The following CAMKMT variants were observed in gnomAD, a reference collection of about 807,000 sequenced individuals.
CAMKMT encodes calmodulin-lysine N-methyltransferase.
A neutral mutation model predicts 48.0 loss-of-function variants in CAMKMT; 53 were observed. That is an observed-to-expected ratio of 1.10 (90% CI 0.89 to 1.39). CAMKMT has a LOEUF of 1.39. Among genes scored for constraint, CAMKMT ranks in the 40% most tolerant of loss-of-function variants. The probability of loss-of-function intolerance (pLI) is 0.00; values close to 1 mark genes in which losing one functional copy is unlikely to be tolerated. For synonymous variants in CAMKMT, 165 were observed against 152.3 expected (o/e 1.08, Z -0.61); for missense variants, 428 against 402.7 (o/e 1.06, Z -0.54).
chr2:44,534,304 T>A (rs1040757045), intron 3 of CAMKMT, among the ~76,000 whole-genome samples: 1 of 152,134 alleles, frequency 6.6e-6, no homozygotes, highest in Non-Finnish European at 1.5e-5. Flanking sequence ...CATCGTCTAA[T>A]GCAACTAGCA....
chr2:44,692,800 G>A (rs1676737769), intron 3 of CAMKMT, among the ~76,000 whole-genome samples: 1 of 152,146 alleles, frequency 6.6e-6, no homozygotes, highest in Admixed American at 6.5e-5. Flanking sequence ...GGTTACTGAA[G>A]CTCAGAAAGG....
chr2:44,385,088 C>G (rs1034478160), intron 2 of CAMKMT, among the ~76,000 whole-genome samples: 1 of 152,012 alleles, frequency 6.6e-6, no homozygotes, highest in East Asian at 1.9e-4. Context: ...TCATTTTCAC[C>G]ATATTGATTC....
chr2:44,498,544 A>G (rs1264294383), intron 3 of CAMKMT, among the ~76,000 whole-genome samples: 1 of 152,196 alleles, frequency 6.6e-6, no homozygotes. Context: ...TTTCTTTGGC[A>G]AAAGCTAGCA....
At chr2:44,743,116 C>A (rs975878149) in intron 7 of CAMKMT, among the ~76,000 whole-genome samples, 5 of 152,184 alleles carry the variant, frequency 3.3e-5, no homozygotes, top group Admixed American at 2.6e-4. Context: ...TTCACTATGC[C>A]TAAAAACCAA....
intron 3 of CAMKMT, among the ~76,000 whole-genome samples, chr2:44,497,707 CAAAGAGAGAG>C (rs1013021552): frequency 1.2e-5 from 1 of 82,802 alleles, no homozygotes; most frequent in African/African-American, 7.1e-5. Flanking sequence ...ATTAAGCAGG[CAAAGAGAGAG>C]AGAGAGAGAG....
At chr2:44,590,408 T>C (rs569596581) in intron 3 of CAMKMT, among the ~76,000 whole-genome samples, 1 of 152,282 alleles carries the variant, frequency 6.6e-6, no homozygotes, top group East Asian at 1.9e-4. Flanking sequence ...TGTGGGAAAG[T>C]TTTTAAACTA....
chr2:44,461,969 C>G (rs1028864585), intron 3 of CAMKMT, among the ~76,000 whole-genome samples: 1 of 151,882 alleles, frequency 6.6e-6, no homozygotes, highest in South Asian at 2.1e-4. Context: ...ACCCTTGACT[C>G]ACAGAATGTT....
intron 3 of CAMKMT, among the ~76,000 whole-genome samples, chr2:44,684,716 C>G (rs1676238159): frequency 6.6e-6 from 1 of 152,156 alleles, no homozygotes; most frequent in South Asian, 2.1e-4. Flanking sequence ...TGTTGCTGGC[C>G]TGGAAACTGG....
In CAMKMT at chr2:44,490,351, C is replaced by T. The variant is rs529443078; in HGVS notation, c.376+100046C>T. The stretch of plus-strand genomic sequence containing the variant: ...AGTGCAATGGCGCGATCTTGGCTCA[C>T]CACAACCTCCGCCTCCCGGGTTCAA... On this transcript the variant is annotated intron_variant, in intron 3 of 10. Coordinates refer to ENST00000378494, the MANE Select transcript of CAMKMT (RefSeq NM_024766.5). 5.3e-5 allele frequency among the ~76,000 whole-genome samples: 8 copies of T among 152,272 alleles called. No individual in the cohort carries two copies. In the South Asian group the frequency reaches 1.7e-3, roughly 32 times the overall value.
At chr2:44,363,166 A>G (rs1030241767) in intron 1 of CAMKMT, among the ~76,000 whole-genome samples, 11 of 152,180 alleles carry the variant, frequency 7.2e-5, no homozygotes, top group African/African-American at 2.7e-4. Context: ...GTTAATTAAG[A>G]TTTATTTGCT....
intron 7 of CAMKMT, among the ~76,000 whole-genome samples, chr2:44,740,440 A>G (rs1315828111): frequency 6.6e-6 from 1 of 152,146 alleles, no homozygotes; most frequent in Non-Finnish European, 1.5e-5. Flanking sequence ...GGATTGCTGC[A>G]ATTTTGACAG....
chr2:44,371,800 G>C (rs1475692845), intron 1 of CAMKMT, among the ~76,000 whole-genome samples: 1 of 151,982 alleles, frequency 6.6e-6, no homozygotes, highest in Admixed American at 6.6e-5. Flanking sequence ...CATCAACCCA[G>C]AATAATTAAT....
chr2:44,362,939 C>T (rs1435974148), intron 1 of CAMKMT, among the ~76,000 whole-genome samples: 1 of 152,204 alleles, frequency 6.6e-6, no homozygotes, highest in East Asian at 1.9e-4. Context: ...AGTGTTATGC[C>T]TCTGCCTGAA....
intron 3 of CAMKMT, among the ~76,000 whole-genome samples, chr2:44,695,347 G>A (rs1014858436): frequency 6.6e-6 from 1 of 152,034 alleles, no homozygotes; most frequent in African/African-American, 2.4e-5. Context: ...TTCTTGTCTT[G>A]TACGTCCTTC....
At chr2:44,733,879 T>C (rs1679214182) in intron 7 of CAMKMT, among the ~76,000 whole-genome samples, 1 of 152,156 alleles carries the variant, frequency 6.6e-6, no homozygotes. Flanking sequence ...GCATAAATAT[T>C]ATCCTCTTAA....
chr2:44,457,536 C>G (rs1287980679), intron 3 of CAMKMT, among the ~76,000 whole-genome samples: 1 of 151,668 alleles, frequency 6.6e-6, no homozygotes, highest in Non-Finnish European at 1.5e-5. Context: ...GTAGCTGGGA[C>G]TACAGGTGCG....
chr2:44,694,521 C>A (rs558245955), intron 3 of CAMKMT, among the ~76,000 whole-genome samples: 2 of 152,296 alleles, frequency 1.3e-5, no homozygotes, highest in South Asian at 2.1e-4. Context: ...CATGACGGTG[C>A]CACTGCACTC....
chr2:44,719,088 A>G (rs1441911692), intron 7 of CAMKMT, among the ~76,000 whole-genome samples: 1 of 152,140 alleles, frequency 6.6e-6, no homozygotes. Context: ...GTCTGCCCTT[A>G]TATCCACATC....
chr2:44,585,623 C>G lies in CAMKMT; in HGVS notation c.377-118660C>G, dbSNP rs545495305. 4.3e-4 allele frequency among the ~76,000 whole-genome samples: 65 copies of G among 152,238 alleles called. No individual in the cohort carries two copies. The South Asian group carries it at 4.4e-3, about 10-fold the overall frequency. On this transcript the variant is annotated intron_variant, in intron 3 of 10. Coordinates refer to ENST00000378494, the MANE Select transcript of CAMKMT (RefSeq NM_024766.5). The stretch of plus-strand genomic sequence containing the variant: ...AAAGGAAAACCTTGATATGAGTACT[C>G]TGGAAGATTGTTATAGATTAAATGA...
Sources: gnomAD v4.1 joint callset for allele counts (sites outside exome capture counted in the v4.1 genomes callset) on GRCh38, gnomAD v4.1.1 for gene constraint, MANE v1.5 for transcripts, NCBI Gene and HGNC (gene_info 2026-07-23, HGNC 2026-07-21) for gene names.